The following NIM1K variants were observed in gnomAD, a reference collection of about 807,000 sequenced individuals.
NIM1K encodes the protein serine/threonine-protein kinase NIM1.
NIM1K carries 35 observed loss-of-function variants against 37.1 expected under a neutral mutation model. The observed-to-expected ratio is 0.94, with a 90% CI of 0.72 to 1.25. The LOEUF is 1.25. Ranked by LOEUF, NIM1K falls within the 50% of genes most tolerant of loss-of-function variation. The probability of loss-of-function intolerance (pLI) is 0.00; values close to 1 mark genes in which losing one functional copy is unlikely to be tolerated. For synonymous variants in NIM1K, 234 were observed against 206.6 expected (o/e 1.13, Z -1.14); for missense variants, 564 against 548.0 (o/e 1.03, Z -0.29).
chr5:43,228,761 G>A (rs1410645034), intron 1 of NIM1K, among the ~76,000 whole-genome samples: 2 of 152,076 alleles, frequency 1.3e-5, no homozygotes, highest in East Asian at 1.9e-4. Flanking sequence ...AGACCAGGAG[G>A]TGGAGGTTGC....
At chr5:43,205,069 G>T (rs879670302) in intron 1 of NIM1K, among the ~76,000 whole-genome samples, 3 of 152,148 alleles carry the variant, frequency 2.0e-5, no homozygotes, top group Admixed American at 6.5e-5. Flanking sequence ...TAATTCTCCT[G>T]CCTGCTCTTG....
intron 1 of NIM1K, among the ~76,000 whole-genome samples, 200 bp downstream of exon 1, chr5:43,192,611 G>T: frequency 6.6e-6 from 1 of 152,234 alleles, no homozygotes; most frequent in East Asian, 1.9e-4. Flanking sequence ...CCCCACACCT[G>T]CCCAGGCCGA....
intron 2 of NIM1K, among the ~76,000 whole-genome samples, chr5:43,254,465 G>A (rs897973062): frequency 6.6e-6 from 1 of 152,180 alleles, no homozygotes; most frequent in Admixed American, 6.5e-5. Flanking sequence ...CTAGTTACAA[G>A]CTCCTTGGTG....
intron 1 of NIM1K, among the ~76,000 whole-genome samples, chr5:43,203,618 CTT>C (rs1396618671): frequency 6.6e-6 from 1 of 152,188 alleles, no homozygotes; most frequent in Non-Finnish European, 1.5e-5. Flanking sequence ...CTCTGTTAAA[CTT>C]AATTTGGCTA....
At chr5:43,268,379 C>T (rs1310369444) in intron 2 of NIM1K, among the ~76,000 whole-genome samples, 2 of 152,012 alleles carry the variant, frequency 1.3e-5, no homozygotes, top group African/African-American at 4.8e-5. Context: ...TTTTCAAAGG[C>T]AGTTTTGGGG....
At chr5:43,261,073 G>A (rs890644137) in intron 2 of NIM1K, among the ~76,000 whole-genome samples, 23 of 152,094 alleles carry the variant, frequency 1.5e-4, no homozygotes, top group Non-Finnish European at 2.2e-4. Context: ...ATAAACATAC[G>A]TGTGCATGTG....
At chr5:43,249,539 G>T (rs1026136570) in intron 2 of NIM1K, among the ~76,000 whole-genome samples, 5 of 152,196 alleles carry the variant, frequency 3.3e-5, no homozygotes, top group Non-Finnish European at 4.4e-5. Context: ...AAGATGGAAG[G>T]ATGGACGAAG....
chr5:43,247,951 T>G (rs904410193), intron 2 of NIM1K, among the ~76,000 whole-genome samples: 1 of 152,194 alleles, frequency 6.6e-6, no homozygotes, highest in African/African-American at 2.4e-5. Context: ...AGATACAACC[T>G]TCATCCTCAA....
intron 1 of NIM1K, among the ~76,000 whole-genome samples, chr5:43,237,247 T>C (rs956998741): frequency 2.6e-5 from 4 of 152,238 alleles, no homozygotes; most frequent in Admixed American, 2.6e-4. Context: ...ATGGTTTTCA[T>C]TGATATTATT....
rs373735957 is a variant in NIM1K, at chr5:43,276,324, A to C, written c.293-733A>C. Among the ~76,000 whole-genome samples the C allele has an allele frequency of 2.0e-5, 3 of 152,390 alleles. 1 individual carries two copies. The South Asian group carries it at 6.2e-4, about 32-fold the overall frequency. ...AATCATGGTGGAAGGTGGAAGGCAC[A>C]TCACACTGTGAAAGCAGGAGCAAGA... On this transcript the variant is annotated intron_variant, in intron 2 of 3. Coordinates refer to ENST00000326035, the MANE Select transcript of NIM1K (RefSeq NM_153361.4).
intron 1 of NIM1K, among the ~76,000 whole-genome samples, chr5:43,217,147 C>G (rs774745560): frequency 1.3e-5 from 2 of 152,174 alleles, no homozygotes; most frequent in Non-Finnish European, 2.9e-5. Flanking sequence ...CCCTCATACT[C>G]CAGTCAACCA....
intron 2 of NIM1K, among the ~76,000 whole-genome samples, chr5:43,276,259 C>G (rs755775375): frequency 3.3e-5 from 5 of 152,164 alleles, no homozygotes; most frequent in African/African-American, 1.2e-4. Flanking sequence ...GTACAGGAAG[C>G]GTGGTGGCAT....
chr5:43,265,653 G>A (rs1219159426), intron 2 of NIM1K, among the ~76,000 whole-genome samples: 1 of 152,146 alleles, frequency 6.6e-6, no homozygotes, highest in East Asian at 1.9e-4. Flanking sequence ...GTCCAGCTTT[G>A]TTCTATGGCT....
chr5:43,200,894 G>A (rs902045463), intron 1 of NIM1K, among the ~76,000 whole-genome samples: 5 of 152,102 alleles, frequency 3.3e-5, no homozygotes, highest in Admixed American at 1.3e-4. Flanking sequence ...AGGAGGCCGA[G>A]TCGGGTGGAT....
chr5:43,250,247 TTA>T, intron 2 of NIM1K, among the ~76,000 whole-genome samples: 1 of 152,228 alleles, frequency 6.6e-6, no homozygotes, highest in East Asian at 1.9e-4. Context: ...TAAAATATAT[TTA>T]TGTGTATATA....
intron 2 of NIM1K, among the ~76,000 whole-genome samples, chr5:43,271,347 G>A (rs11746110): frequency 0.24 from 36,717 of 151,732 alleles, 5,049 homozygotes; most frequent in Middle Eastern, 0.43. Flanking sequence ...TACCCCCAGA[G>A]AATGCCCAAG....
intron 3 of NIM1K, 85 bp downstream of exon 3, chr5:43,277,410 T>C: frequency 1.4e-6 from 2 of 1,421,378 alleles, no homozygotes; most frequent in Non-Finnish European, 9.6e-7. Flanking sequence ...CCCTCAAGTG[T>C]CCCAGAGGGC....
At chr5:43,239,907 A>C (rs997201656) in intron 1 of NIM1K, among the ~76,000 whole-genome samples, 1 of 151,992 alleles carries the variant, frequency 6.6e-6, no homozygotes, top group Non-Finnish European at 1.5e-5. Context: ...TCCATGTTTC[A>C]CCAGAAGTCC....
chr5:43,206,804 G>C, intron 1 of NIM1K: 1 of 768,390 alleles, frequency 1.3e-6, no homozygotes. Flanking sequence ...TCCAGGATCA[G>C]GGGATGGTGG....
Sources: allele counts gnomAD v4.1 joint callset (sites outside exome capture counted in the v4.1 genomes callset), GRCh38; gene constraint gnomAD v4.1.1; transcripts MANE v1.5; gene names NCBI Gene and HGNC (gene_info 2026-07-23, HGNC 2026-07-21).